The following CTNNA2 variants were observed in gnomAD, a reference collection of about 807,000 sequenced individuals.
The protein encoded by CTNNA2 is catenin alpha-2.
In CTNNA2, 42 loss-of-function variants were observed where a neutral mutation model predicts 101.0. The ratio of observed to expected loss-of-function variants is 0.42; its 90% CI spans 0.32 to 0.54. The LOEUF is 0.54. Ranked by LOEUF, CTNNA2 falls within the 20% of genes least tolerant of loss-of-function variation. The pLI is 0.14. For synonymous variants in CTNNA2, 450 were observed against 456.4 expected (o/e 0.99, Z 0.18); for missense variants, 871 against 1,223.1 (o/e 0.71, Z 4.29).
chr2:80,386,054 A>C (rs553794484), intron 7 of CTNNA2, among the ~76,000 whole-genome samples: 1 of 152,282 alleles, frequency 6.6e-6, no homozygotes, highest in Non-Finnish European at 1.5e-5. Context: ...CGCATTGTCC[A>C]AGGCATATCC....
chr2:80,494,483 G>C (rs915485392), intron 9 of CTNNA2, among the ~76,000 whole-genome samples: 1 of 152,136 alleles, frequency 6.6e-6, no homozygotes. Context: ...GATGCATGGT[G>C]GGGGGGACTA....
At chr2:79,272,255 C>T (rs1675101533) in intron 2 of CTNNA2, among the ~76,000 whole-genome samples, 1 of 151,830 alleles carries the variant, frequency 6.6e-6, no homozygotes, top group Admixed American at 6.6e-5. Context: ...TATATGAAAA[C>T]TCCAGTCTTG....
Position 79,874,099 on chromosome 2 carries a change from G to A in CTNNA2, c.609G>A (p.Arg203=), listed in dbSNP as rs777847314. ...AGGAGCTGAAGGATCCTCACTGTCG[G>A]GATGAGATGGCAGCCGCCCGAGGGG... The part of the protein sequence containing the change: ...RQQELKDPHC[R]DEMAAARGAL... Residue 203 remains arginine (R), a synonymous_variant, in exon 6 of 19, where the codon CGG becomes CGA. Coordinates refer to ENST00000402739, the MANE Select transcript of CTNNA2 (RefSeq NM_001282597.3). 1.9e-6 allele frequency: 3 copies of A among 1,614,130 alleles called. No individual in the cohort carries two copies. The Admixed American group carries it at 5.0e-5, about 27-fold the overall frequency.
At chr2:79,539,186 A>T (rs1673254674) in intron 1 of CTNNA2, among the ~76,000 whole-genome samples, 1 of 152,194 alleles carries the variant, frequency 6.6e-6, no homozygotes, top group African/African-American at 2.4e-5. Context: ...TTATTAAAAA[A>T]CAGAACCAAC....
At chr2:79,272,637 G>A (rs906094918) in intron 2 of CTNNA2, among the ~76,000 whole-genome samples, 4 of 152,114 alleles carry the variant, frequency 2.6e-5, no homozygotes, top group African/African-American at 4.8e-5. Context: ...AGAATACTTG[G>A]TATAATACCT....
chr2:80,341,795 A>C (rs1169299121), intron 7 of CTNNA2, among the ~76,000 whole-genome samples: 1 of 152,214 alleles, frequency 6.6e-6, no homozygotes, highest in Non-Finnish European at 1.5e-5. Flanking sequence ...ACACACATCC[A>C]CACACACTTG....
intron 3 of CTNNA2, among the ~76,000 whole-genome samples, chr2:79,832,093 C>G (rs1238587103): frequency 6.6e-6 from 1 of 152,240 alleles, no homozygotes; most frequent in East Asian, 1.9e-4. Flanking sequence ...CAGTCCCATA[C>G]TCATTCCCTG....
chr2:80,548,768 T>C (rs1477012002), intron 11 of CTNNA2, among the ~76,000 whole-genome samples: 1 of 152,186 alleles, frequency 6.6e-6, no homozygotes, highest in African/African-American at 2.4e-5. Context: ...TGGTAGGCTG[T>C]GGACACAGCC....
chr2:79,671,371 T>C (rs1007667371), intron 2 of CTNNA2, among the ~76,000 whole-genome samples: 3 of 152,214 alleles, frequency 2.0e-5, no homozygotes, highest in African/African-American at 7.2e-5. Flanking sequence ...TGAGTACTTT[T>C]TCCCCAATAC....
At chr2:79,881,209 C>G (rs988158812) in intron 6 of CTNNA2, among the ~76,000 whole-genome samples, 1 of 152,074 alleles carries the variant, frequency 6.6e-6, no homozygotes, top group African/African-American at 2.4e-5. Flanking sequence ...TTGCATTTGC[C>G]AAGGAGTGTT....
chr2:79,518,173 A>T (rs747597615), intron 1 of CTNNA2, among the ~76,000 whole-genome samples: 11 of 152,186 alleles, frequency 7.2e-5, no homozygotes, highest in Non-Finnish European at 1.2e-4. Context: ...AAGTAATATA[A>T]ATCATATGTT....
chr2:80,448,167 C>T (rs1366437462), intron 9 of CTNNA2, among the ~76,000 whole-genome samples: 1 of 152,170 alleles, frequency 6.6e-6, no homozygotes, highest in Non-Finnish European at 1.5e-5. Context: ...TCACTGACGC[C>T]TTCTCCATCT....
intron 2 of CTNNA2, among the ~76,000 whole-genome samples, chr2:79,231,594 G>T (rs1243576753): frequency 2.6e-4 from 39 of 152,176 alleles, no homozygotes. Flanking sequence ...TCTGGTTCTG[G>T]GAGTTGTTGG....
At chr2:80,005,276 C>T (rs976254022) in intron 7 of CTNNA2, among the ~76,000 whole-genome samples, 1 of 152,070 alleles carries the variant, frequency 6.6e-6, no homozygotes, top group African/African-American at 2.4e-5. Context: ...ATAGGGGCTA[C>T]GTTGATCTAG....
At chr2:79,375,772 C>G (rs1677964262) in intron 4 of CTNNA2, among the ~76,000 whole-genome samples, 1 of 152,092 alleles carries the variant, frequency 6.6e-6, no homozygotes, top group Non-Finnish European at 1.5e-5. Flanking sequence ...AACATATGAG[C>G]CACTTCAAAC....
At chr2:79,602,574 C>G (rs1020242226) in intron 1 of CTNNA2, among the ~76,000 whole-genome samples, 32 of 152,116 alleles carry the variant, frequency 2.1e-4, no homozygotes, top group African/African-American at 7.5e-4. Context: ...AAAACTGTTA[C>G]CATTATTAAA....
intron 7 of CTNNA2, among the ~76,000 whole-genome samples, chr2:79,987,923 G>A (rs930120460): frequency 6.6e-6 from 1 of 152,090 alleles, no homozygotes; most frequent in African/African-American, 2.4e-5. Context: ...AATATATCAC[G>A]GTCTGTTAGA....
chr2:80,052,265 T>C (rs1696923979), intron 7 of CTNNA2, among the ~76,000 whole-genome samples: 1 of 152,218 alleles, frequency 6.6e-6, no homozygotes, highest in Non-Finnish European at 1.5e-5. Context: ...TACAGCTACA[T>C]ACATTTAGCC....
chr2:79,487,005 A>G (rs62141412), intron 4 of CTNNA2, among the ~76,000 whole-genome samples: 1,712 of 152,354 alleles, frequency 0.011, 16 homozygotes, highest in Middle Eastern at 0.031. Flanking sequence ...TTTACTTCAT[A>G]GAAGTTCTGC....
Sources: gnomAD v4.1 joint callset for allele counts (sites outside exome capture counted in the v4.1 genomes callset) on GRCh38, gnomAD v4.1.1 for gene constraint, MANE v1.5 for transcripts, NCBI Gene and HGNC (gene_info 2026-07-23, HGNC 2026-07-21) for gene names.